TLCD4: variants seen among roughly 807,000 people sequenced by gnomAD.
TLCD4 encodes the protein TLC domain containing 4.
In TLCD4, 7 loss-of-function variants were observed where a neutral mutation model predicts 24.2. That is an observed-to-expected ratio of 0.29 (90% CI 0.16 to 0.54). The LOEUF (loss-of-function observed/expected upper bound fraction) is 0.54. TLCD4 is among the 20% of genes least tolerant of loss of function. The pLI is 0.95. For missense variants in TLCD4, 259 were observed against 313.9 expected, an observed-to-expected ratio of 0.82 and a Z score of 1.32; for synonymous variants, 103 against 106.4, an observed-to-expected ratio of 0.97 and a Z score of 0.20.
Position 95,191,867 on chromosome 1 carries a change from A to G in TLCD4, c.791A>G (p.Ter264=), listed in dbSNP as rs1319502784. The G allele has an allele frequency of 6.2e-7, 1 of 1,611,854 alleles. No individual in the cohort carries two copies. Among genetic ancestry groups the G allele is most frequent in the Non-Finnish European group, 8.5e-7 (1 of 1,178,956 alleles). ...KNSLQNGKLD[*] is the part of the protein sequence containing the mutation. Reference sequence around the variant, plus strand: ...AGTCTTCAGAATGGAAAACTTGATTAAAAGAGTGCTACCGATAAGCAAACT... The same window carrying G: ...AGTCTTCAGAATGGAAAACTTGATTGAAAGAGTGCTACCGATAAGCAAACT... The change falls in exon 7 of 7, where the codon TAA becomes TGA. Residue 264 remains the stop codon, a stop_retained_variant. Coordinates refer to ENST00000370203, the MANE Select transcript of TLCD4 (RefSeq NM_152487.3).
the TLCD4 span, among the ~76,000 whole-genome samples, chr1:95,096,097 C>G: frequency 6.6e-6 from 1 of 152,216 alleles, no homozygotes; most frequent in African/African-American, 2.4e-5. Flanking sequence ...AGAAGGTACA[C>G]TAACAGCAGG....
At chr1:95,177,421 G>A (rs189041944) in intron 6 of TLCD4, among the ~76,000 whole-genome samples, 1 of 152,232 alleles carries the variant, frequency 6.6e-6, no homozygotes, top group Non-Finnish European at 1.5e-5. Flanking sequence ...CACTTACCCT[G>A]AATGAAGCCT....
intron 1 of TLCD4, among the ~76,000 whole-genome samples, chr1:95,139,711 C>T (rs552764079): frequency 5.9e-5 from 9 of 152,046 alleles, no homozygotes; most frequent in African/African-American, 9.6e-5. Flanking sequence ...CCACCAGCCT[C>T]GGCCTGCCAA....
At chr1:95,178,575 T>C (rs1320903296) in intron 6 of TLCD4, among the ~76,000 whole-genome samples, 1 of 146,694 alleles carries the variant, frequency 6.8e-6, no homozygotes, top group African/African-American at 2.5e-5. Flanking sequence ...TTTTTTTTTT[T>C]TTTTTTTTTT....
Position 95,179,693 on chromosome 1 carries a change from C to T in TLCD4, c.473+5804C>T, listed in dbSNP as rs150248552. 3.1e-3 allele frequency among the ~76,000 whole-genome samples: 468 copies of T among 152,230 alleles called. 4 individuals carry two copies. Among genetic ancestry groups the T allele is most frequent in the African/African-American group, 0.011 (453 of 41,528 alleles). Reference sequence around the variant, plus strand: ...AAATATGTAGCTTCCTTGGTTAAAACCTCTCAGTGGCTCTGGCTGCTTACA... The same window carrying T: ...AAATATGTAGCTTCCTTGGTTAAAATCTCTCAGTGGCTCTGGCTGCTTACA... On this transcript the variant is annotated intron_variant, in intron 6 of 6. Transcript: ENST00000370203.
At chr1:95,190,041 A>G (rs1203366732) in intron 6 of TLCD4, among the ~76,000 whole-genome samples, 1 of 150,744 alleles carries the variant, frequency 6.6e-6, no homozygotes, top group African/African-American at 2.4e-5. Context: ...ATTTTTTGGG[A>G]TTTTAGCTAT....
intron 4 of TLCD4, 102 bp from the exon 5 acceptor site, chr1:95,151,223 G>A (rs1175241543): frequency 1.7e-6 from 2 of 1,159,770 alleles, no homozygotes; most frequent in Non-Finnish European, 2.5e-6. Context: ...TGTGGGCTCA[G>A]AGTGGACAGT....
chr1:95,134,331 G>A (rs752352833), intron 1 of TLCD4, among the ~76,000 whole-genome samples: 1 of 152,144 alleles, frequency 6.6e-6, no homozygotes, highest in Non-Finnish European at 1.5e-5. Context: ...AAGGAGGAGG[G>A]TGGTGTAACT....
chr1:95,161,598 T>C (rs186555016), intron 5 of TLCD4, among the ~76,000 whole-genome samples: 1,826 of 152,308 alleles, frequency 0.012, 23 homozygotes, highest in Non-Finnish European at 0.021. Context: ...GATGTTAGGG[T>C]GTCAATTTTA....
At chr1:95,142,846 A>G (rs1677243568) in intron 1 of TLCD4, among the ~76,000 whole-genome samples, 1 of 152,094 alleles carries the variant, frequency 6.6e-6, no homozygotes, top group Admixed American at 6.6e-5. Context: ...GCCGCTCGCG[A>G]TGATGAGGCA....
intron 1 of TLCD4, among the ~76,000 whole-genome samples, chr1:95,135,447 A>G (rs1259111821): frequency 7.2e-6 from 1 of 138,204 alleles, no homozygotes; most frequent in African/African-American, 2.8e-5. Context: ...CCCAGGCTGG[A>G]GTACAGTGGC....
At chr1:95,120,395 C>CG (rs1417395000) in intron 1 of TLCD4, 3 of 152,228 alleles carry the variant, frequency 2.0e-5, no homozygotes, top group African/African-American at 7.2e-5. Context: ...GCCTACTGCT[C>CG]TGAGGCTTGT....
chr1:95,181,506 A>G (rs1345699788), intron 6 of TLCD4, among the ~76,000 whole-genome samples: 3 of 152,178 alleles, frequency 2.0e-5, no homozygotes, highest in African/African-American at 7.2e-5. Context: ...AACCATATCA[A>G]TGAACTTTTC....
At chr1:95,139,214 C>T (rs1407805208) in intron 1 of TLCD4, among the ~76,000 whole-genome samples, 2 of 149,180 alleles carry the variant, frequency 1.3e-5, no homozygotes, top group Admixed American at 6.7e-5. Context: ...AAATGTTACA[C>T]CACCTCTGTG....
chr1:95,176,902 C>T (rs964462614), intron 6 of TLCD4, among the ~76,000 whole-genome samples: 1 of 152,142 alleles, frequency 6.6e-6, no homozygotes, highest in African/African-American at 2.4e-5. Flanking sequence ...ACTATCTTTT[C>T]CCCATTGTGT....
intron 5 of TLCD4, 144 bp downstream of exon 5, chr1:95,151,563 A>G (rs568904151): frequency 9.9e-5 from 86 of 872,752 alleles, no homozygotes; most frequent in Non-Finnish European, 1.3e-4. Context: ...GTGGTATGCT[A>G]TCTTCTGTAT....
intron 1 of TLCD4, among the ~76,000 whole-genome samples, chr1:95,137,026 G>A (rs985374641): frequency 3.9e-5 from 6 of 152,118 alleles, no homozygotes; most frequent in African/African-American, 9.7e-5. Flanking sequence ...AAATCTAGTT[G>A]CACACAGTAT....
At chr1:95,182,166 C>T (rs546101534) in intron 6 of TLCD4, among the ~76,000 whole-genome samples, 11 of 151,724 alleles carry the variant, frequency 7.3e-5, no homozygotes, top group African/African-American at 2.4e-4. Flanking sequence ...TTGTTGGTAT[C>T]AAAACTGTCA....
chr1:95,190,587 A>G (rs1174629932), intron 6 of TLCD4, among the ~76,000 whole-genome samples: 2 of 151,752 alleles, frequency 1.3e-5, no homozygotes, highest in Admixed American at 6.6e-5. Context: ...TCAGCCTCCC[A>G]AAGTGCTGGG....
Sources: gnomAD v4.1 joint callset for allele counts (sites outside exome capture counted in the v4.1 genomes callset) on GRCh38, gnomAD v4.1.1 for gene constraint, MANE v1.5 for transcripts, NCBI Gene and HGNC (gene_info 2026-07-23, HGNC 2026-07-21) for gene names.